TTLL9: variants seen among roughly 807,000 people sequenced by gnomAD.
The protein encoded by TTLL9 is probable tubulin polyglutamylase TTLL9.
In TTLL9, 47 loss-of-function variants were observed where a neutral mutation model predicts 65.6. That is an observed-to-expected ratio of 0.72 (90% confidence interval 0.57 to 0.91). The LOEUF is 0.91. Ranked by LOEUF, TTLL9 falls within the 40% of genes least tolerant of loss-of-function variation. The pLI is 0.00. For synonymous variants in TTLL9, 179 were observed against 204.8 expected, an observed-to-expected ratio of 0.87 and a Z score of 1.07; for missense variants, 537 against 568.8, an observed-to-expected ratio of 0.94 and a Z score of 0.57.
rs1413608913 is a variant in TTLL9, at chr20:31,943,240, T to G, written c.*219T>G. The G allele has an allele frequency of 1.7e-6, 1 of 595,272 alleles. No homozygotes were observed. The highest frequency in any genetic ancestry group is 1.9e-5 in the African/African-American group (1 of 53,864). 36.9% of individuals were successfully genotyped at this position (595,272 alleles called of 1,614,324 possible). ...TTTGCACCAGGAGACAGCCAATCAC[T>G]GGGACTGGGGGAGGTTTAACCTTGA... On this transcript the variant is annotated 3_prime_UTR_variant, in exon 15 of 15. Transcript: ENST00000535842.
chr20:31,939,202 T>C lies in TTLL9; in HGVS notation c.1179T>C (p.Val393=), dbSNP rs758173500. The C allele has an allele frequency of 3.7e-6, 6 of 1,612,752 alleles. No individual in the cohort carries two copies. The South Asian group carries it at 6.6e-5, about 18-fold the overall frequency. Residue 393 remains valine (V), a synonymous_variant, in exon 14 of 15, where the codon GTT becomes GTC. Coordinates refer to ENST00000535842, the MANE Select transcript of TTLL9 (RefSeq NM_001008409.5). The part of the protein sequence containing the change: ...GFDLMWNDGP[V]SREEGAPDLS... Reference sequence around the variant, plus strand: ...ACCTCATGTGGAATGATGGCCCTGTTAGCAGAGAGGAGGGGGCTCCTGACC... The same window carrying C: ...ACCTCATGTGGAATGATGGCCCTGTCAGCAGAGAGGAGGGGGCTCCTGACC...
intron 2 of TTLL9, among the ~76,000 whole-genome samples, chr20:31,877,252 C>T (rs1338537880): frequency 6.6e-6 from 1 of 152,194 alleles, no homozygotes; most frequent in Non-Finnish European, 1.5e-5. Flanking sequence ...GATTCTCCTG[C>T]CTCAGCCTCC....
At chr20:31,884,153 T>C (rs1403484636) in intron 2 of TTLL9, 1 of 435,150 alleles carries the variant, frequency 2.3e-6, no homozygotes, top group African/African-American at 2.0e-5. Flanking sequence ...GTTTCCAATG[T>C]CTGCTTTAAC....
intron 13 of TTLL9, 149 bp from the exon 14 acceptor site, chr20:31,938,993 C>T (rs2064161925): frequency 1.1e-6 from 1 of 907,456 alleles, no homozygotes; most frequent in African/African-American, 1.7e-5. Flanking sequence ...TACATAGGCA[C>T]CTGGGAAACA....
At chr20:31,923,166 G>T in intron 8 of TTLL9, 113 bp downstream of exon 8, 1 of 806,336 alleles carries the variant, frequency 1.2e-6, no homozygotes. Flanking sequence ...GGCATGAAGG[G>T]ATGCATGGAA....
chr20:31,877,667 T>A (rs997222685), intron 2 of TTLL9, among the ~76,000 whole-genome samples: 1 of 152,166 alleles, frequency 6.6e-6, no homozygotes, highest in Non-Finnish European at 1.5e-5. Context: ...CTCTATTTTT[T>A]CCCCAGTGAT....
intron 14 of TTLL9, chr20:31,940,005 A>G (rs1003077620): frequency 6.6e-6 from 1 of 152,216 alleles, no homozygotes; most frequent in African/African-American, 2.4e-5. Context: ...TTATAATTGG[A>G]CATTTGGCAC....
Position 31,943,753 on chromosome 20 carries a change from A to C in TTLL9, c.*732A>C, listed in dbSNP as rs868393651. Reference sequence around the variant, plus strand: ...TTATCTAAGTCAGATGGGTGACTTAAGTGCTTCTCTAGGCCTTGTGTTTGA... The same window carrying C: ...TTATCTAAGTCAGATGGGTGACTTACGTGCTTCTCTAGGCCTTGTGTTTGA... On this transcript the variant is annotated 3_prime_UTR_variant, in exon 15 of 15. Coordinates refer to ENST00000535842, the MANE Select transcript of TTLL9 (RefSeq NM_001008409.5). The C allele has an allele frequency of 4.4e-6, 2 of 456,654 alleles. No individual in the cohort carries two copies. The highest frequency in any genetic ancestry group is 2.0e-5 in the African/African-American group (1 of 50,078). 28.3% of individuals were successfully genotyped at this position (456,654 alleles called of 1,614,324 possible). A position where few individuals can be genotyped will look rare whatever the true frequency, so the allele number is the denominator to read the frequency against.
At chr20:31,937,545 C>T in intron 13 of TTLL9, 36 bp downstream of exon 13, 1 of 1,541,220 alleles carries the variant, frequency 6.5e-7, no homozygotes, top group Non-Finnish European at 8.9e-7. Flanking sequence ...TGTCCTTGTA[C>T]ATGACAACTG....
At chr20:31,919,961 T>C in intron 7 of TTLL9, 29 bp downstream of exon 7, 1 of 1,552,772 alleles carries the variant, frequency 6.4e-7, no homozygotes, top group Non-Finnish European at 8.7e-7. Context: ...CCTTCCTCCC[T>C]GAACCCTCCT....
chr20:31,930,955 C>G (rs922975788), intron 10 of TTLL9, among the ~76,000 whole-genome samples: 16 of 152,154 alleles, frequency 1.1e-4, no homozygotes, highest in Non-Finnish European at 5.9e-5. Flanking sequence ...CCCGCTGTCT[C>G]CTCCACAGCA....
intron 6 of TTLL9, among the ~76,000 whole-genome samples, chr20:31,912,153 T>C (rs1270906734): frequency 1.3e-5 from 2 of 152,178 alleles, no homozygotes; most frequent in Non-Finnish European, 2.9e-5. Context: ...GGCTTGGCAT[T>C]AGGTGCCTGA....
At chr20:31,902,231 C>G (rs1217455771) in intron 4 of TTLL9, among the ~76,000 whole-genome samples, 1 of 152,198 alleles carries the variant, frequency 6.6e-6, no homozygotes, top group Non-Finnish European at 1.5e-5. Context: ...CTCCCTCCAG[C>G]CTCTGTCTTG....
At chr20:31,915,769 C>T (rs1461624354) in intron 6 of TTLL9, among the ~76,000 whole-genome samples, 1 of 151,958 alleles carries the variant, frequency 6.6e-6, no homozygotes, top group Non-Finnish European at 1.5e-5. Context: ...TTTTTTCAAG[C>T]TTTAATGAGG....
chr20:31,920,135 C>T (rs539479955), intron 7 of TTLL9, among the ~76,000 whole-genome samples: 1 of 152,212 alleles, frequency 6.6e-6, no homozygotes, highest in South Asian at 2.1e-4. Context: ...TAGCTGTGTG[C>T]CCTTGAGCAA....
chr20:31,909,710 T>C (rs774800350), intron 5 of TTLL9, 27 bp from the exon 6 acceptor site: 51 of 1,607,886 alleles, frequency 3.2e-5, no homozygotes, highest in Non-Finnish European at 4.1e-5. Flanking sequence ...CAGGAGCTAA[T>C]GGCCGCCTGT....
At chr20:31,886,817 T>TCAA (rs763813395) in intron 2 of TTLL9, among the ~76,000 whole-genome samples, 40 of 152,104 alleles carry the variant, frequency 2.6e-4, no homozygotes, top group Admixed American at 1.8e-3. Context: ...AGACTCCATC[T>TCAA]CAACAACAAC....
rs578152624 is a variant in TTLL9, at chr20:31,943,208, A to G, written c.*187A>G. 4 of 617,938 alleles carry G rather than the reference A, an allele frequency of 6.5e-6. No individual in the cohort carries two copies. The Admixed American group carries it at 1.1e-4, about 16-fold the overall frequency. The allele number at this position is 617,938 out of a possible 1,614,324, so 38.3% of individuals were successfully genotyped here. A position where few individuals can be genotyped will look rare whatever the true frequency, so the allele number is the denominator to read the frequency against. On this transcript the variant is annotated 3_prime_UTR_variant, in exon 15 of 15. Transcript: ENST00000535842. ...CCTTGGATACCTCCAGCCCATCCCC[A>G]GGCATCTTTGCACCAGGAGACAGCC...
chr20:31,943,840 T>C lies in TTLL9; in HGVS notation c.*819T>C, dbSNP rs2064267181. 11 of 456,200 alleles carry C rather than the reference T, an allele frequency of 2.4e-5. No individual in the cohort carries two copies. Among genetic ancestry groups the C allele is most frequent in the South Asian group, 4.7e-5 (3 of 64,514 alleles). The allele number at this position is 456,200 out of a possible 1,614,324, so 28.3% of individuals were successfully genotyped here. A position where few individuals can be genotyped will look rare whatever the true frequency, so the allele number is the denominator to read the frequency against. On this transcript the variant is annotated 3_prime_UTR_variant, in exon 15 of 15. Coordinates refer to ENST00000535842, the MANE Select transcript of TTLL9 (RefSeq NM_001008409.5). ...CTCATGGGCAGGACAGCTTCGGGAGTTGAGTGTGAGTAAAAATCTGCCTTT... is the reference window on the plus strand; with the variant it reads ...CTCATGGGCAGGACAGCTTCGGGAGCTGAGTGTGAGTAAAAATCTGCCTTT...
Sources: gnomAD v4.1 joint callset for allele counts (sites outside exome capture counted in the v4.1 genomes callset) on GRCh38, gnomAD v4.1.1 for gene constraint, MANE v1.5 for transcripts, NCBI Gene and HGNC (gene_info 2026-07-23, HGNC 2026-07-21) for gene names.